The following KLHL2 variants were observed in gnomAD, a reference collection of about 807,000 sequenced individuals.
KLHL2 encodes the protein kelch like family member 2.
A neutral mutation model predicts 75.8 loss-of-function variants in KLHL2; 15 were observed. That is an observed-to-expected ratio of 0.20 (90% confidence interval 0.13 to 0.30). The LOEUF (loss-of-function observed/expected upper bound fraction) is 0.30. Among genes scored for constraint, KLHL2 ranks in the 10% least tolerant of loss-of-function variants. The pLI is 1.00. For synonymous variants in KLHL2, 214 were observed against 251.9 expected, an observed-to-expected ratio of 0.85 and a Z score of 1.42; for missense variants, 381 against 741.0, an observed-to-expected ratio of 0.51 and a Z score of 5.64.
At chr4:165,223,082 G>A (rs1392712979) in intron 2 of KLHL2, among the ~76,000 whole-genome samples, 2 of 152,258 alleles carry the variant, frequency 1.3e-5, no homozygotes, top group African/African-American at 4.8e-5. Flanking sequence ...TAAACTAATT[G>A]TTTTTAGACA....
intron 5 of KLHL2, among the ~76,000 whole-genome samples, chr4:165,264,682 A>ATGTGTGTGTGTGTGTG (rs760543186): frequency 5.8e-5 from 4 of 68,702 alleles, no homozygotes; most frequent in African/African-American, 1.9e-4. Flanking sequence ...ACGTATATGT[A>ATGTGTGTGTGTGTGTG]TGTGTGTGTG....
chr4:165,305,522 TC>T (rs1468267191), intron 8 of KLHL2, 85 bp from the exon 9 acceptor site: 2 of 1,084,842 alleles, frequency 1.8e-6, no homozygotes, highest in Non-Finnish European at 2.8e-6. Context: ...TCCTAACACT[TC>T]CCACACCAGT....
chr4:165,231,762 T>C (rs1738913362), intron 3 of KLHL2, among the ~76,000 whole-genome samples: 1 of 152,228 alleles, frequency 6.6e-6, no homozygotes, highest in South Asian at 2.1e-4. Flanking sequence ...TTTATTTCTC[T>C]TGGGAGTAGA....
intron 11 of KLHL2, among the ~76,000 whole-genome samples, chr4:165,312,923 T>G (rs909077536): frequency 6.6e-6 from 1 of 152,222 alleles, no homozygotes; most frequent in Non-Finnish European, 1.5e-5. Flanking sequence ...TAATTCTGTC[T>G]TACAGGATGT....
chr4:165,278,625 T>C (rs775813709), intron 5 of KLHL2: 4 of 1,584,624 alleles, frequency 2.5e-6, no homozygotes, highest in Non-Finnish European at 3.5e-6. Flanking sequence ...TCTTCTGAGG[T>C]CTTTATAATT....
At chr4:165,321,863 T>C (rs973818812) in intron 14 of KLHL2, among the ~76,000 whole-genome samples, 169 bp from the exon 15 acceptor site, 2 of 152,192 alleles carry the variant, frequency 1.3e-5, no homozygotes, top group African/African-American at 4.8e-5. Flanking sequence ...GAGTTTTCAC[T>C]GTCATTTAGA....
intron 9 of KLHL2, among the ~76,000 whole-genome samples, chr4:165,310,125 C>A (rs1159420645): frequency 6.6e-6 from 1 of 152,068 alleles, no homozygotes; most frequent in Non-Finnish European, 1.5e-5. Flanking sequence ...ATCACGAGGT[C>A]AGGAGATCAA....
At chr4:165,317,475 G>A (rs952897518) in intron 13 of KLHL2, among the ~76,000 whole-genome samples, 5 of 151,618 alleles carry the variant, frequency 3.3e-5, no homozygotes, top group African/African-American at 4.8e-5. Flanking sequence ...GTGATTCTCC[G>A]GCTTCAGCCT....
Position 165,297,745 on chromosome 4 carries a change from A to T in KLHL2, c.771+20A>T. The T allele has an allele frequency of 7.2e-7, 1 of 1,379,876 alleles. No individual in the cohort carries two copies. Among genetic ancestry groups the T allele is most frequent in the South Asian group, 1.2e-5 (1 of 86,454 alleles). The allele number at this position is 1,379,876 out of a possible 1,614,324, so 85.5% of individuals were successfully genotyped here. A position where few individuals can be genotyped will look rare whatever the true frequency, so the allele number is the denominator to read the frequency against. On this transcript the variant is annotated intron_variant, in intron 7 of 14. Coordinates refer to ENST00000226725, the MANE Select transcript of KLHL2 (RefSeq NM_007246.4). ...GTTCAGGTAAATGCATATGCAAAAC[A>T]TATGAATCCACACAGCACTGTGTCA...
chr4:165,263,421 A>G (rs1470884797), intron 5 of KLHL2, 62 bp downstream of exon 5: 90 of 1,589,048 alleles, frequency 5.7e-5, no homozygotes, highest in Non-Finnish European at 7.3e-5. Context: ...ATATGATTCC[A>G]CAGTGGTCTC....
intron 4 of KLHL2, among the ~76,000 whole-genome samples, chr4:165,259,822 T>C (rs949291914): frequency 1.3e-5 from 2 of 152,214 alleles, no homozygotes; most frequent in Non-Finnish European, 2.9e-5. Context: ...AATTTGATTA[T>C]ATCCCTAGCT....
At chr4:165,242,069 C>G (rs560312144) in intron 4 of KLHL2, among the ~76,000 whole-genome samples, 1 of 151,832 alleles carries the variant, frequency 6.6e-6, no homozygotes, top group East Asian at 1.9e-4. Flanking sequence ...TTATTTATGG[C>G]AGAATTGGAG....
chr4:165,292,041 T>G (rs1413184087), intron 5 of KLHL2, among the ~76,000 whole-genome samples: 3 of 152,124 alleles, frequency 2.0e-5, no homozygotes, highest in Non-Finnish European at 4.4e-5. Flanking sequence ...ATACCTAATA[T>G]AGTGTATGTG....
intron 4 of KLHL2, among the ~76,000 whole-genome samples, chr4:165,246,389 T>C (rs1215746492): frequency 6.6e-6 from 1 of 151,934 alleles, no homozygotes; most frequent in Non-Finnish European, 1.5e-5. Context: ...AGGGAATTCA[T>C]GCTTTAGACA....
rs551648887 is a variant in KLHL2, at chr4:165,310,908, A to G, written c.1237+158A>G. ...CTTGCTCCGTCGCCCAGGCTGGAGT[A>G]CAGTGGCGCAATCTCGGCTCACTGC... On this transcript the variant is annotated intron_variant, in intron 10 of 14. Transcript: ENST00000226725. Among the ~76,000 whole-genome samples the G allele has an allele frequency of 3.6e-3, 521 of 145,566 alleles. 1 individual carries two copies. Among genetic ancestry groups the G allele is most frequent in the South Asian group, 0.013 (60 of 4,644 alleles).
At chr4:165,310,462 C>T (rs952721332) in intron 9 of KLHL2, 91 bp from the exon 10 acceptor site, 22 of 1,073,752 alleles carry the variant, frequency 2.0e-5, no homozygotes, top group African/African-American at 3.1e-5. Flanking sequence ...CATGTTCTGA[C>T]AACAGCTATA....
chr4:165,302,927 T>A (rs1745446014), intron 8 of KLHL2, among the ~76,000 whole-genome samples: 1 of 152,230 alleles, frequency 6.6e-6, no homozygotes, highest in African/African-American at 2.4e-5. Flanking sequence ...CTTTTCTTGT[T>A]CCTTCATAGC....
At chr4:165,274,335 C>T (rs965037573) in intron 5 of KLHL2, among the ~76,000 whole-genome samples, 7 of 152,016 alleles carry the variant, frequency 4.6e-5, no homozygotes, top group Non-Finnish European at 1.0e-4. Flanking sequence ...TCGGGCTGGG[C>T]GCAGTGGCTC....
intron 2 of KLHL2, among the ~76,000 whole-genome samples, chr4:165,222,989 AGGAAGAC>A (rs1738127062): frequency 6.6e-6 from 1 of 152,262 alleles, no homozygotes; most frequent in South Asian, 2.1e-4. Flanking sequence ...GAATGGGGGT[AGGAAGAC>A]AGGAGTTCTG....
Sources: allele counts gnomAD v4.1 joint callset (sites outside exome capture counted in the v4.1 genomes callset), GRCh38; gene constraint gnomAD v4.1.1; transcripts MANE v1.5; gene names NCBI Gene and HGNC (gene_info 2026-07-23, HGNC 2026-07-21).